KDM5A: variants seen among roughly 807,000 people sequenced by gnomAD.
KDM5A encodes lysine demethylase 5A.
KDM5A carries 42 observed loss-of-function variants against 193.5 expected under a neutral mutation model. The ratio of observed to expected loss-of-function variants is 0.22; its 90% CI spans 0.17 to 0.28. The LOEUF is 0.28. KDM5A is among the 10% of genes least tolerant of loss of function. The pLI is 1.00. For missense variants in KDM5A, 1,692 were observed against 2,055.1 expected (o/e 0.82, Z 3.42); for synonymous variants, 796 against 718.1 (o/e 1.11, Z -1.73).
At chr12:313,227 T>A in intron 19 of KDM5A, 33 bp from the exon 20 acceptor site, 1 of 1,611,762 alleles carries the variant, frequency 6.2e-7, no homozygotes, top group Non-Finnish European at 8.5e-7. Context: ...GTAGGATGCA[T>A]GAGAAATCAA....
chr12:379,490 G>T (rs913969317), intron 3 of KDM5A, among the ~76,000 whole-genome samples: 2 of 152,040 alleles, frequency 1.3e-5, no homozygotes, highest in African/African-American at 4.8e-5. Context: ...AAAATTTATT[G>T]AACTGTACGC....
chr12:388,447 T>C (rs1442675457), intron 1 of KDM5A: 2 of 392,844 alleles, frequency 5.1e-6, no homozygotes, highest in Non-Finnish European at 1.0e-5. Flanking sequence ...CGGCAATAAT[T>C]AGTCTGGAGT....
rs781765551 is a variant in KDM5A, at chr12:318,413, T to A, written c.2590A>T (p.Met864Leu). The change falls in exon 19 of 28, where the codon ATG (methionine) becomes TTG (leucine). Residue 864 changes from methionine (M) to leucine (L), a missense_variant. By Grantham distance (15) the Met-to-Leu change is conservative. Transcript: ENST00000399788. ...GAAGAATCTGGGGTTTCATCCATCATGGCCTCCTGAGCACGTTCATGAAAC... is the reference window on the plus strand; with the variant it reads ...GAAGAATCTGGGGTTTCATCCATCAAGGCCTCCTGAGCACGTTCATGAAAC... Reference protein sequence around the residue: ...EEFHERAQEAMMDETPDSSKL... With the variant: ...EEFHERAQEALMDETPDSSKL... 7 of 1,614,156 alleles carry A rather than the reference T, an allele frequency of 4.3e-6. No homozygotes were observed. The East Asian group carries it at 1.6e-4, about 36-fold the overall frequency.
At chr12:386,125 T>C in intron 1 of KDM5A, 151 bp from the exon 2 acceptor site, 1 of 633,284 alleles carries the variant, frequency 1.6e-6, no homozygotes, top group Non-Finnish European at 2.8e-6. Flanking sequence ...TGAGCAATTC[T>C]TTTCGATAAA....
chr12:287,761 C>G (rs1332057974), intron 27 of KDM5A, among the ~76,000 whole-genome samples: 1 of 152,150 alleles, frequency 6.6e-6, no homozygotes, highest in Non-Finnish European at 1.5e-5. Context: ...CTTTCTTAAT[C>G]CAGTCTAGTC....
chr12:353,734 A>T (rs149598846), intron 8 of KDM5A, among the ~76,000 whole-genome samples: 10 of 152,232 alleles, frequency 6.6e-5, no homozygotes, highest in Admixed American at 5.2e-4. Context: ...TATCCTGGCC[A>T]ACATGGTGAA....
intron 5 of KDM5A, among the ~76,000 whole-genome samples, chr12:361,838 C>T (rs1944297565): frequency 6.6e-6 from 1 of 152,170 alleles, no homozygotes; most frequent in Non-Finnish European, 1.5e-5. Flanking sequence ...ACCTACCTTT[C>T]TACTTTCAAA....
At position 281,457 on chromosome 12, in the gene KDM5A, A is replaced by T; in HGVS notation, c.*3999T>A. The T allele has an allele frequency of 4.3e-6, 1 of 233,222 alleles. No homozygotes were observed. The highest frequency in any genetic ancestry group is 8.5e-6 in the Non-Finnish European group (1 of 118,028). 14.4% of individuals were successfully genotyped at this position (233,222 alleles called of 1,614,324 possible). On this transcript the variant is annotated 3_prime_UTR_variant, in exon 28 of 28. Transcript: ENST00000399788. ...GACAAGACCAAAATTCAAAAAATAC[A>T]TTAACAGCCATTCTTCCTCATACTA... is the stretch of plus-strand genomic sequence containing the variant.
At chr12:349,479 A>C (rs1234011821) in intron 10 of KDM5A, among the ~76,000 whole-genome samples, 1 of 150,880 alleles carries the variant, frequency 6.6e-6, no homozygotes, top group Non-Finnish European at 1.5e-5. Flanking sequence ...ACAGGCGCCC[A>C]CCACCATACT....
At chr12:285,776 A>G (rs1943213254) in intron 27 of KDM5A, 114 bp from the exon 28 acceptor site, 1 of 892,840 alleles carries the variant, frequency 1.1e-6, no homozygotes, top group South Asian at 1.3e-5. Flanking sequence ...GGATGTCTAG[A>G]TAGGCAATGA....
chr12:364,667 C>G (rs1158650782), intron 4 of KDM5A, among the ~76,000 whole-genome samples: 1 of 151,202 alleles, frequency 6.6e-6, no homozygotes, highest in Non-Finnish European at 1.5e-5. Context: ...CACCTGTAGT[C>G]CCAGCTACTC....
chr12:385,158 G>C (rs1944624412), intron 2 of KDM5A, among the ~76,000 whole-genome samples: 1 of 150,334 alleles, frequency 6.7e-6, no homozygotes, highest in Non-Finnish European at 1.5e-5. Context: ...ACTCCAGCCT[G>C]GGTGACAGAG....
intron 17 of KDM5A, 166 bp downstream of exon 17, chr12:322,251 G>C: frequency 2.0e-5 from 13 of 645,518 alleles, no homozygotes; most frequent in South Asian, 1.9e-4. Context: ...GAGCAAGAAA[G>C]AAGGGAGAAT....
chr12:379,629 G>A (rs1478991531), intron 3 of KDM5A, among the ~76,000 whole-genome samples: 1 of 152,046 alleles, frequency 6.6e-6, no homozygotes, highest in Non-Finnish European at 1.5e-5. Flanking sequence ...ACAAATCAAA[G>A]TTTGTCTGCC....
intron 24 of KDM5A, among the ~76,000 whole-genome samples, chr12:297,519 C>G (rs1321280064): frequency 6.6e-6 from 1 of 152,118 alleles, no homozygotes; most frequent in Non-Finnish European, 1.5e-5. Flanking sequence ...AAAACAAACC[C>G]ATTAAGATTT....
intron 22 of KDM5A, 135 bp downstream of exon 22, chr12:309,667 AT>A: frequency 1.1e-6 from 1 of 880,140 alleles, no homozygotes; most frequent in African/African-American, 1.7e-5. Context: ...TTTACTTTTA[AT>A]GTGAAATATG....
intron 10 of KDM5A, among the ~76,000 whole-genome samples, chr12:349,457 G>A (rs1242903685): frequency 6.6e-6 from 1 of 151,424 alleles, no homozygotes; most frequent in Non-Finnish European, 1.5e-5. Context: ...AGCCTCCTGA[G>A]TAGCTGGGAT....
chr12:345,202 T>G (rs1281189975), intron 10 of KDM5A, among the ~76,000 whole-genome samples: 1 of 152,088 alleles, frequency 6.6e-6, no homozygotes, highest in Non-Finnish European at 1.5e-5. Context: ...AGGGATGAAT[T>G]CAACAAGAAG....
chr12:292,864 CTT>C lies in KDM5A; in HGVS notation c.4759_4760del (p.Lys1587GlyfsTer9). 1 of 1,614,188 alleles carries C rather than the reference CTT, an allele frequency of 6.2e-7. No individual in the cohort carries two copies. Among genetic ancestry groups the C allele is most frequent in the Non-Finnish European group, 8.5e-7 (1 of 1,180,026 alleles). On this transcript the variant is annotated frameshift_variant, in exon 27 of 28. Coordinates refer to ENST00000399788, the MANE Select transcript of KDM5A (RefSeq NM_001042603.3). LOFTEE classifies it high-confidence loss of function. ...KESTEKKREK[K>X]VLDIPSKYDW... ...CATACTTTGAGGGGATGTCCAGCAC[CTT>C]TTTCTCTCTTTTCTTTTCAGTGCTC...
Sources: gnomAD v4.1 joint callset for allele counts (sites outside exome capture counted in the v4.1 genomes callset) on GRCh38, gnomAD v4.1.1 for gene constraint, MANE v1.5 for transcripts, NCBI Gene and HGNC (gene_info 2026-07-23, HGNC 2026-07-21) for gene names.